XKR4: variants seen among roughly 807,000 people sequenced by gnomAD.
XKR4 encodes XK-related protein 4.
XKR4 carries 12 observed loss-of-function variants against 53.9 expected under a neutral mutation model. The observed-to-expected ratio is 0.22, with a 90% CI of 0.14 to 0.36. XKR4 has a LOEUF of 0.36. Among genes scored for constraint, XKR4 ranks in the 10% least tolerant of loss-of-function variants. The pLI is 1.00. For synonymous variants in XKR4, 354 were observed against 362.4 expected, an observed-to-expected ratio of 0.98 and a Z score of 0.26; for missense variants, 799 against 859.5, an observed-to-expected ratio of 0.93 and a Z score of 0.88.
At position 55,461,706 on chromosome 8, in the gene XKR4, C is replaced by T. The variant is rs934305969; in HGVS notation, c.1007-61575C>T. ...TAAAGGAGGAAGTTCGAACAAATGG[C>T]AAATAAGTTAAAAACTTTGAAAAAA... On this transcript the variant is annotated intron_variant, in intron 2 of 2. Transcript: ENST00000327381. Among the ~76,000 whole-genome samples, 4 of 152,060 alleles carry T rather than the reference C, an allele frequency of 2.6e-5. No homozygotes were observed. The East Asian group carries it at 5.8e-4, about 22-fold the overall frequency.
chr8:55,384,028 T>G (rs895567842), intron 2 of XKR4, among the ~76,000 whole-genome samples: 1 of 152,234 alleles, frequency 6.6e-6, no homozygotes, highest in Non-Finnish European at 1.5e-5. Flanking sequence ...GTCTCCCTTT[T>G]GAGTTGTCCT....
At chr8:55,352,170 G>C (rs1198655645) in intron 1 of XKR4, among the ~76,000 whole-genome samples, 1 of 152,238 alleles carries the variant, frequency 6.6e-6, no homozygotes, top group East Asian at 1.9e-4. Flanking sequence ...TCAAACAATG[G>C]AATGGCCAGT....
chr8:55,311,829 C>CAAAAAA (rs57826022), intron 1 of XKR4, among the ~76,000 whole-genome samples: 392 of 98,166 alleles, frequency 4.0e-3, no homozygotes, highest in Non-Finnish European at 5.9e-3. Context: ...TGTAATTTAG[C>CAAAAAA]AAAAAAAAAA....
At chr8:55,204,714 A>G (rs879302984) in intron 1 of XKR4, among the ~76,000 whole-genome samples, 1 of 152,250 alleles carries the variant, frequency 6.6e-6, no homozygotes, top group Non-Finnish European at 1.5e-5. Context: ...AAATTCTTGG[A>G]AAGAATATTT....
At chr8:55,373,142 A>G (rs1307554684) in intron 2 of XKR4, among the ~76,000 whole-genome samples, 3 of 152,136 alleles carry the variant, frequency 2.0e-5, no homozygotes, top group African/African-American at 7.2e-5. Flanking sequence ...AGACTACAAG[A>G]CTAACAAGAC....
intron 1 of XKR4, among the ~76,000 whole-genome samples, chr8:55,165,246 T>C (rs1346200902): frequency 6.6e-6 from 1 of 152,182 alleles, no homozygotes; most frequent in East Asian, 1.9e-4. Flanking sequence ...TTAATGAATT[T>C]ATGTAAAGGG....
intron 1 of XKR4, among the ~76,000 whole-genome samples, chr8:55,113,947 A>C (rs905504939): frequency 6.6e-6 from 1 of 152,114 alleles, no homozygotes; most frequent in African/African-American, 2.4e-5. Flanking sequence ...GCATCTATGT[A>C]TTACATTTTC....
At chr8:55,280,404 A>G (rs1056815071) in intron 1 of XKR4, among the ~76,000 whole-genome samples, 3 of 152,212 alleles carry the variant, frequency 2.0e-5, no homozygotes, top group African/African-American at 7.2e-5. Flanking sequence ...CTTAAACACA[A>G]AAGTGTAGTA....
intron 1 of XKR4, among the ~76,000 whole-genome samples, chr8:55,192,440 T>C (rs533023336): frequency 6.6e-6 from 1 of 152,222 alleles, no homozygotes; most frequent in East Asian, 2.0e-4. Context: ...GTTTTGTTTA[T>C]GCAATTTTTT....
chr8:55,486,201 C>A (rs1806189172), intron 2 of XKR4, among the ~76,000 whole-genome samples: 1 of 152,062 alleles, frequency 6.6e-6, no homozygotes, highest in African/African-American at 2.4e-5. Context: ...ATTGTGTGCA[C>A]CCAGCTTTAT....
At chr8:55,437,146 C>T (rs1380733410) in intron 2 of XKR4, among the ~76,000 whole-genome samples, 6 of 152,188 alleles carry the variant, frequency 3.9e-5, no homozygotes, top group Non-Finnish European at 7.3e-5. Flanking sequence ...CAAACTGAAT[C>T]AAGAGATGAC....
chr8:55,412,635 G>A (rs145675796), intron 2 of XKR4, among the ~76,000 whole-genome samples: 43 of 152,294 alleles, frequency 2.8e-4, no homozygotes, highest in Middle Eastern at 3.4e-3. Flanking sequence ...AAAAGGATAT[G>A]TAAAACAATG....
intron 2 of XKR4, among the ~76,000 whole-genome samples, chr8:55,478,852 A>C (rs1002573793): frequency 3.3e-5 from 5 of 152,124 alleles, no homozygotes; most frequent in Non-Finnish European, 1.5e-5. Context: ...AGAGCTAACT[A>C]TCCTAAATAT....
chr8:55,325,727 T>C (rs1387926356), intron 1 of XKR4, among the ~76,000 whole-genome samples: 1 of 152,218 alleles, frequency 6.6e-6, no homozygotes, highest in Non-Finnish European at 1.5e-5. Flanking sequence ...TCCCCCATCA[T>C]TGTTAGACAT....
At chr8:55,144,898 C>A (rs1303068543) in intron 1 of XKR4, among the ~76,000 whole-genome samples, 1 of 150,636 alleles carries the variant, frequency 6.6e-6, no homozygotes, top group Admixed American at 6.7e-5. Flanking sequence ...GTGGCGCAAT[C>A]TTGGCTCACT....
chr8:55,453,949 C>T, intron 2 of XKR4: 1 of 683,788 alleles, frequency 1.5e-6, no homozygotes, highest in African/African-American at 1.7e-5. Context: ...AATCGTCCTC[C>T]ACCAGCCCAC....
intron 1 of XKR4, among the ~76,000 whole-genome samples, chr8:55,348,363 GGAGGGACA>G (rs1803679006): frequency 6.6e-6 from 1 of 152,158 alleles, no homozygotes; most frequent in African/African-American, 2.4e-5. Context: ...AGCCTGTGAG[GGAGGGACA>G]GCCATCCCTG....
chr8:55,357,452 A>T (rs939928321), intron 1 of XKR4, among the ~76,000 whole-genome samples: 1 of 152,206 alleles, frequency 6.6e-6, no homozygotes, highest in African/African-American at 2.4e-5. Flanking sequence ...GCAATTGAGC[A>T]GAAGGTCTTT....
At chr8:55,352,823 G>A (rs568344106) in intron 1 of XKR4, among the ~76,000 whole-genome samples, 19 of 152,268 alleles carry the variant, frequency 1.2e-4, no homozygotes, top group African/African-American at 4.6e-4. Flanking sequence ...CTTTAGTAAA[G>A]GGAGAGGAAA....
Sources: allele counts gnomAD v4.1 joint callset (sites outside exome capture counted in the v4.1 genomes callset), GRCh38; gene constraint gnomAD v4.1.1; transcripts MANE v1.5; gene names NCBI Gene and HGNC (gene_info 2026-07-23, HGNC 2026-07-21).